Variants in AFF3 observed in about 807,000 individuals in gnomAD.
AFF3 encodes the protein AF4/FMR2 family member 3.
AFF3 carries 32 observed loss-of-function variants against 129.7 expected under a neutral mutation model. The observed-to-expected ratio is 0.25, with a 90% CI of 0.19 to 0.33. The LOEUF is 0.33. AFF3 is among the 10% of genes least tolerant of loss of function. AFF3 has a pLI of 1.00. For synonymous variants in AFF3, 644 were observed against 635.4 expected, an observed-to-expected ratio of 1.01 and a Z score of -0.20; for missense variants, 1,373 against 1,592.0, an observed-to-expected ratio of 0.86 and a Z score of 2.34.
rs150661579 is a variant in AFF3, at chr2:100,002,257, G to A, written c.873+4375C>T. 4.5e-3 allele frequency among the ~76,000 whole-genome samples: 689 copies of A among 152,288 alleles called. 2 individuals carry two copies. The highest frequency in any genetic ancestry group is 0.017 in the Middle Eastern group (5 of 294). ...CTTTTTTGCCCGACAGGCTGGTGCC[G>A]ACTTTCATTTGGAAGAAATCCATTT... On this transcript the variant is annotated intron_variant, in intron 7 of 24. Coordinates refer to ENST00000672756, the MANE Select transcript of AFF3 (RefSeq NM_001386135.1).
intron 7 of AFF3, among the ~76,000 whole-genome samples, chr2:99,941,058 G>A (rs1434480306): frequency 6.6e-6 from 1 of 152,182 alleles, no homozygotes; most frequent in African/African-American, 2.4e-5. Flanking sequence ...TAGAGCAGGA[G>A]CATTCCCAGG....
intron 4 of AFF3, among the ~76,000 whole-genome samples, chr2:100,057,492 CA>C (rs1414149954): frequency 6.6e-6 from 1 of 152,104 alleles, no homozygotes; most frequent in African/African-American, 2.4e-5. Context: ...AAGCACATAG[CA>C]TTTACACATA....
chr2:99,587,395 C>G, intron 15 of AFF3, 117 bp from the exon 16 acceptor site: 1 of 1,233,078 alleles, frequency 8.1e-7, no homozygotes, highest in Non-Finnish European at 1.1e-6. Context: ...CTGGCTTCCC[C>G]GAAGCACAGC....
At chr2:99,934,889 G>A (rs1194063303) in intron 7 of AFF3, among the ~76,000 whole-genome samples, 2 of 152,234 alleles carry the variant, frequency 1.3e-5, no homozygotes, top group African/African-American at 4.8e-5. Context: ...CTCAGGAGAA[G>A]CTGTGGCTGC....
intron 7 of AFF3, among the ~76,000 whole-genome samples, chr2:99,954,895 C>T (rs1397454036): frequency 6.7e-6 from 1 of 149,492 alleles, no homozygotes; most frequent in Non-Finnish European, 1.5e-5. Flanking sequence ...TGCACATGTA[C>T]CCTAAAACTT....
chr2:99,669,694 G>C (rs191806426), intron 12 of AFF3, among the ~76,000 whole-genome samples: 127 of 152,202 alleles, frequency 8.3e-4, no homozygotes, highest in African/African-American at 2.9e-3. Context: ...AACAGGCTGG[G>C]CACAGTTGCT....
chr2:99,997,484 C>A (rs77761907), intron 7 of AFF3, among the ~76,000 whole-genome samples: 3 of 151,880 alleles, frequency 2.0e-5, no homozygotes, highest in South Asian at 2.1e-4. Flanking sequence ...CACCCCCCCC[C>A]CAGATTAGCA....
intron 7 of AFF3, among the ~76,000 whole-genome samples, chr2:99,976,513 T>C (rs921453603): frequency 1.3e-5 from 2 of 152,228 alleles, no homozygotes; most frequent in Non-Finnish European, 1.5e-5. Context: ...CTGTTCCAGA[T>C]AGAGCTGAGG....
At chr2:99,645,504 AG>A (rs1684616876) in intron 13 of AFF3, among the ~76,000 whole-genome samples, 1 of 152,302 alleles carries the variant, frequency 6.6e-6, no homozygotes, top group Admixed American at 6.5e-5. Flanking sequence ...AGAAAAGAAC[AG>A]ACAACACACC....
chr2:99,922,900 T>A (rs1695951886), intron 7 of AFF3, among the ~76,000 whole-genome samples: 1 of 152,182 alleles, frequency 6.6e-6, no homozygotes, highest in African/African-American at 2.4e-5. Flanking sequence ...CCCAGCCTTT[T>A]GGAGCTCTCA....
chr2:99,662,043 G>T (rs11123791), intron 12 of AFF3, among the ~76,000 whole-genome samples: 74,188 of 151,822 alleles, frequency 0.49, 18,287 homozygotes, highest in East Asian at 0.64. Context: ...AGGAGGCTGA[G>T]GCAGGAGAAT....
At chr2:99,852,933 C>T (rs1405667429) in intron 7 of AFF3, among the ~76,000 whole-genome samples, 2 of 152,046 alleles carry the variant, frequency 1.3e-5, no homozygotes, top group Non-Finnish European at 2.9e-5. Flanking sequence ...CTACCATATC[C>T]CCAAGACCCT....
At chr2:99,987,921 CTTTT>C (rs1161622434) in intron 7 of AFF3, among the ~76,000 whole-genome samples, 1 of 152,150 alleles carries the variant, frequency 6.6e-6, no homozygotes, top group Non-Finnish European at 1.5e-5. Context: ...ATTTTTAAAG[CTTTT>C]TTATTTAATT....
At chr2:99,975,748 C>T (rs1678812741) in intron 7 of AFF3, among the ~76,000 whole-genome samples, 1 of 147,966 alleles carries the variant, frequency 6.8e-6, no homozygotes, top group Non-Finnish European at 1.5e-5. Flanking sequence ...TTACCTTTTC[C>T]CTCCACTTTT....
chr2:100,036,196 C>T lies in AFF3; in HGVS notation c.54-27264G>A, dbSNP rs78558557. 3.7e-3 allele frequency among the ~76,000 whole-genome samples: 557 copies of T among 150,306 alleles called. 5 individuals are homozygous for T. The highest frequency in any genetic ancestry group is 0.013 in the African/African-American group (521 of 40,892). Reference sequence around the variant, plus strand: ...AAAGTCTTTCCTGGCAACAGTCACCCTCATGAATTTCCCCACTAACACAAT... The same window carrying T: ...AAAGTCTTTCCTGGCAACAGTCACCTTCATGAATTTCCCCACTAACACAAT... On this transcript the variant is annotated intron_variant, in intron 4 of 24. Coordinates refer to ENST00000672756, the MANE Select transcript of AFF3 (RefSeq NM_001386135.1).
rs769638066 is a variant in AFF3 at position 99,593,562 on chromosome 2, G to A, written c.2099C>T (p.Ala700Val). ...LSKAQTVAAS[A>V]SSGNDQRLKE... The stretch of plus-strand genomic sequence containing the variant: ...CAGCCTCTGATCATTCCCGGAGGAG[G>A]CAGAGGCAGCCACGGTCTGTGCTTT... Residue 700 changes from alanine (A) to valine (V), a missense_variant, in exon 15 of 25, where the codon GCC (alanine) becomes GTC (valine). Coordinates refer to ENST00000672756, the MANE Select transcript of AFF3 (RefSeq NM_001386135.1). The A allele has an allele frequency of 6.2e-7, 1 of 1,613,268 alleles. No individual in the cohort carries two copies. The highest frequency in any genetic ancestry group is 1.1e-5 in the South Asian group (1 of 91,082).
At chr2:100,046,282 G>A (rs938911066) in intron 4 of AFF3, among the ~76,000 whole-genome samples, 1 of 152,158 alleles carries the variant, frequency 6.6e-6, no homozygotes, top group Non-Finnish European at 1.5e-5. Flanking sequence ...GAGAGGCCCA[G>A]TAATGTGTCC....
chr2:99,710,501 C>T (rs1677796650), intron 11 of AFF3, among the ~76,000 whole-genome samples: 1 of 152,162 alleles, frequency 6.6e-6, no homozygotes, highest in African/African-American at 2.4e-5. Flanking sequence ...AAGTGATCAG[C>T]CTTCCAAAGT....
At chr2:99,920,080 C>G (rs1028061192) in intron 7 of AFF3, among the ~76,000 whole-genome samples, 2 of 151,974 alleles carry the variant, frequency 1.3e-5, no homozygotes, top group Non-Finnish European at 2.9e-5. Flanking sequence ...AATTAAAGAA[C>G]TTCCCAAAAG....
Sources: allele counts gnomAD v4.1 joint callset (sites outside exome capture counted in the v4.1 genomes callset), GRCh38; gene constraint gnomAD v4.1.1; transcripts MANE v1.5; gene names NCBI Gene and HGNC (gene_info 2026-07-23, HGNC 2026-07-21).